OR52E4: variants seen among roughly 807,000 people sequenced by gnomAD.
OR52E4 encodes the protein olfactory receptor family 52 subfamily E member 4.
For synonymous variants in OR52E4, 169 were observed against 137.4 expected (o/e 1.23, Z -1.61); for missense variants, 444 against 383.8 (o/e 1.16, Z -1.31).
In OR52E4 at chr11:5,885,081, TC is replaced by T. The variant is rs1388852763; in HGVS notation, c.790del (p.Arg264ValfsTer42). The T allele has an allele frequency of 3.7e-6, 6 of 1,613,420 alleles. No individual in the cohort carries two copies. In the African/African-American group the frequency reaches 8.0e-5, roughly 22 times the overall value. ...CAGCATTTTTTTCTTTTATGACACA[TC>T]GTTTTGGCCAAAACATTCCCCACTA... ...TPAFFSFMTHRFGQNIPHYIH... is the reference protein window; with the variant it reads ...TPAFFSFMTHXFGQNIPHYIH... On this transcript the variant is annotated frameshift_variant, in exon 2 of 2. Coordinates refer to ENST00000641726, the MANE Select transcript of OR52E4 (RefSeq NM_001005165.2). LOFTEE classifies it low-confidence loss of function (END_TRUNC).
In OR52E4 at chr11:5,884,337, C is replaced by T; in HGVS notation, c.45C>T (p.Leu15=). 6.2e-7 allele frequency: 1 copy of T among 1,612,696 alleles called. No homozygotes were observed. The highest frequency in any genetic ancestry group is 2.2e-5 in the East Asian group (1 of 44,852). ...NDTHFYPPFF[L]LLGIPGLDTL... The stretch of plus-strand genomic sequence containing the variant: ...CCCACTTCTATCCCCCCTTCTTCCT[C>T]CTGCTAGGAATACCAGGACTGGACA... Residue 15 remains leucine, a synonymous_variant, in exon 2 of 2, where the codon CTC becomes CTT. Transcript: ENST00000641726.
chr11:5,885,409 T>G lies in OR52E4; in HGVS notation c.*178T>G. The G allele has an allele frequency of 9.2e-6, 5 of 542,892 alleles. 1 individual carries two copies. In the South Asian group the frequency reaches 1.4e-4, roughly 15 times the overall value. The allele number at this position is 542,892 out of a possible 1,614,324, so 33.6% of individuals were successfully genotyped here. Reference sequence around the variant, plus strand: ...TAAAACCTTTGCTGCCTGTTTCCCCTACTTCTCTCCAAGTACCTGGACAAA... The same window carrying G: ...TAAAACCTTTGCTGCCTGTTTCCCCGACTTCTCTCCAAGTACCTGGACAAA... On this transcript the variant is annotated 3_prime_UTR_variant, in exon 2 of 2. Coordinates refer to ENST00000641726, the MANE Select transcript of OR52E4 (RefSeq NM_001005165.2).
At position 5,887,013 on chromosome 11, in the gene OR52E4, G is replaced by A. The variant is rs1222544468; in HGVS notation, c.*1782G>A. ...GCTTCATGTACTTAACATTTTATGG[G>A]AACATAGGGTTTTAAATGTGGAAAT... On this transcript the variant is annotated 3_prime_UTR_variant, in exon 2 of 2. Transcript: ENST00000641726. 1 of 151,970 alleles carries A rather than the reference G, an allele frequency of 6.6e-6. No individual in the cohort carries two copies. Among genetic ancestry groups the A allele is most frequent in the African/African-American group, 2.4e-5 (1 of 41,394 alleles). The allele number at this position is 151,970 out of a possible 1,614,324, so 9.4% of individuals were successfully genotyped here. A position where few individuals can be genotyped will look rare whatever the true frequency, so the allele number is the denominator to read the frequency against.
Position 5,885,272 on chromosome 11 carries a change from C to A in OR52E4, c.*41C>A. On this transcript the variant is annotated 3_prime_UTR_variant, in exon 2 of 2. Transcript: ENST00000641726. ...TGGATAAATATATCTATATACAACC[C>A]AAATTATCATCATCTGAGCTCCCTT... 1.5e-6 allele frequency: 2 copies of A among 1,291,730 alleles called. No individual in the cohort carries two copies. The highest frequency in any genetic ancestry group is 2.1e-6 in the Non-Finnish European group (2 of 939,874). 80.0% of individuals were successfully genotyped at this position (1,291,730 alleles called of 1,614,324 possible).
chr11:5,881,675 A>G (rs375841574), intron 1 of OR52E4, among the ~76,000 whole-genome samples: 4 of 152,146 alleles, frequency 2.6e-5, no homozygotes, highest in African/African-American at 4.8e-5. Context: ...TTGCATTTAA[A>G]TAAACAAAAT....
In OR52E4 at chr11:5,885,131, T is replaced by A; in HGVS notation, c.839T>A (p.Leu280Gln). ...TATATCCATATTCTTTTGGCTAACCTGTATGTGGTTGTCCCACCTGCCCTT... is the reference window on the plus strand; with the variant it reads ...TATATCCATATTCTTTTGGCTAACCAGTATGTGGTTGTCCCACCTGCCCTT... ...PHYIHILLANLYVVVPPALNP... is the reference protein window; with the variant it reads ...PHYIHILLANQYVVVPPALNP... Residue 280 changes from leucine to glutamine, a missense_variant, in exon 2 of 2, where the codon CTG becomes CAG. Transcript: ENST00000641726. 6.2e-7 allele frequency: 1 copy of A among 1,613,430 alleles called. No individual in the cohort carries two copies. Among genetic ancestry groups the A allele is most frequent in the Non-Finnish European group, 8.5e-7 (1 of 1,179,612 alleles).
At position 5,884,816 on chromosome 11, in the gene OR52E4, T is replaced by C. The variant is rs747262263; in HGVS notation, c.524T>C (p.Ile175Thr). The change falls in exon 2 of 2, where the codon ATC becomes ACC. Residue 175 changes from isoleucine to threonine, a missense_variant. Transcript: ENST00000641726. ...CGTCTGCCATTCTGTGGGCATAACA[T>C]CGTACCTCACACATACTGTGAGCAC... ...ILRLPFCGHN[I>T]VPHTYCEHRG... 3 of 1,613,568 alleles carry C rather than the reference T, an allele frequency of 1.9e-6. No individual in the cohort carries two copies. Among genetic ancestry groups the C allele is most frequent in the Non-Finnish European group, 2.5e-6 (3 of 1,179,672 alleles).
In OR52E4 at chr11:5,885,251, T is replaced by C; in HGVS notation, c.*20T>C. ...GAATAATTCTGTATTAAAGTTTGGATAAATATATCTATATACAACCCAAAT... is the reference window on the plus strand; with the variant it reads ...GAATAATTCTGTATTAAAGTTTGGACAAATATATCTATATACAACCCAAAT... On this transcript the variant is annotated 3_prime_UTR_variant, in exon 2 of 2. Coordinates refer to ENST00000641726, the MANE Select transcript of OR52E4 (RefSeq NM_001005165.2). The C allele has an allele frequency of 6.8e-7, 1 of 1,475,696 alleles. No homozygotes were observed. The highest frequency in any genetic ancestry group is 9.2e-7 in the Non-Finnish European group (1 of 1,084,304). The allele number at this position is 1,475,696 out of a possible 1,614,324, so 91.4% of individuals were successfully genotyped here. A position where few individuals can be genotyped will look rare whatever the true frequency, so the allele number is the denominator to read the frequency against.
At position 5,885,662 on chromosome 11, in the gene OR52E4, G is replaced by A. The variant is rs1328655613; in HGVS notation, c.*431G>A. ...GTTTCATAGCTTTGTATTCTTTACA[G>A]AATCCAAAATTTTGTTGTTCTTCTC... On this transcript the variant is annotated 3_prime_UTR_variant, in exon 2 of 2. Coordinates refer to ENST00000641726, the MANE Select transcript of OR52E4 (RefSeq NM_001005165.2). The A allele has an allele frequency of 6.5e-6, 1 of 153,376 alleles. No homozygotes were observed. The highest frequency in any genetic ancestry group is 1.4e-5 in the Non-Finnish European group (1 of 68,992). 9.5% of individuals were successfully genotyped at this position (153,376 alleles called of 1,614,324 possible).
rs530652965 is a variant in OR52E4, at chr11:5,884,465, A to G, written c.173A>G (p.His58Arg). The change falls in exon 2 of 2, where the codon CAC becomes CGC. Residue 58 changes from histidine to arginine, a missense_variant. Transcript: ENST00000641726. ...LFVIKTEHSL[H>R]QPMFYFLAML... ...GTGATCAAAACTGAACATAGTCTACACCAGCCCATGTTCTACTTCCTGGCC... is the reference window on the plus strand; with the variant it reads ...GTGATCAAAACTGAACATAGTCTACGCCAGCCCATGTTCTACTTCCTGGCC... The G allele has an allele frequency of 1.9e-6, 3 of 1,613,530 alleles. No homozygotes were observed. The highest frequency in any genetic ancestry group is 2.2e-5 in the South Asian group (2 of 91,072).
intron 1 of OR52E4, among the ~76,000 whole-genome samples, chr11:5,882,932 C>T (rs1427437160): frequency 6.6e-6 from 1 of 152,056 alleles, no homozygotes. Flanking sequence ...AAATATTATA[C>T]AATCCAGGTT....
chr11:5,884,811 T>A lies in OR52E4; in HGVS notation c.519T>A (p.His173Gln), dbSNP rs775622779. 1.9e-6 allele frequency: 3 copies of A among 1,613,584 alleles called. No homozygotes were observed. Among genetic ancestry groups the A allele is most frequent in the Admixed American group, 1.7e-5 (1 of 59,896 alleles). Reference sequence around the variant, plus strand: ...TTCTGCGTCTGCCATTCTGTGGGCATAACATCGTACCTCACACATACTGTG... The same window carrying A: ...TTCTGCGTCTGCCATTCTGTGGGCAAAACATCGTACCTCACACATACTGTG... Reference protein sequence around the residue: ...FLILRLPFCGHNIVPHTYCEH... With the variant: ...FLILRLPFCGQNIVPHTYCEH... The change falls in exon 2 of 2, where the codon CAT (histidine) becomes CAA (glutamine). Residue 173 changes from histidine (H) to glutamine (Q), a missense_variant. Transcript: ENST00000641726.
chr11:5,880,941 C>A (rs530264739), intron 1 of OR52E4, among the ~76,000 whole-genome samples: 2 of 151,944 alleles, frequency 1.3e-5, no homozygotes, highest in Non-Finnish European at 2.9e-5. Flanking sequence ...CTCTCTCCCC[C>A]CTTTCTCTCT....
At chr11:5,882,087 C>A (rs1371750306) in intron 1 of OR52E4, among the ~76,000 whole-genome samples, 1 of 152,064 alleles carries the variant, frequency 6.6e-6, no homozygotes, top group Admixed American at 6.6e-5. Context: ...CAGTAGGGAT[C>A]TTTGTCAATG....
rs993260023 is a variant in OR52E4 at position 5,885,472 on chromosome 11, T to C, written c.*241T>C. ...ATGGAGAAGGTAACTATGCTGAAGG[T>C]TGAGGTGGCTTTGGAGTAGAACTGC... On this transcript the variant is annotated 3_prime_UTR_variant, in exon 2 of 2. Coordinates refer to ENST00000641726, the MANE Select transcript of OR52E4 (RefSeq NM_001005165.2). 1.2e-5 allele frequency: 5 copies of C among 404,376 alleles called. No homozygotes were observed. The highest frequency in any genetic ancestry group is 8.2e-5 in the African/African-American group (4 of 48,720). The allele number at this position is 404,376 out of a possible 1,614,324, so 25.0% of individuals were successfully genotyped here. A position where few individuals can be genotyped will look rare whatever the true frequency, so the allele number is the denominator to read the frequency against.
intron 1 of OR52E4, among the ~76,000 whole-genome samples, chr11:5,882,369 T>C (rs562075701): frequency 2.0e-5 from 3 of 152,166 alleles, no homozygotes; most frequent in East Asian, 3.9e-4. Flanking sequence ...GACTCTGGAC[T>C]GTAAATCTCA....
chr11:5,884,522 C>A lies in OR52E4; in HGVS notation c.230C>A (p.Thr77Lys). Residue 77 changes from threonine (T) to lysine (K), a missense_variant, in exon 2 of 2, where the codon ACA (threonine) becomes AAA (lysine). Coordinates refer to ENST00000641726, the MANE Select transcript of OR52E4 (RefSeq NM_001005165.2). ...TCTATGATTGATCTGGGTCTGTCCA[C>A]ATCCACTATCCCCAAAATGCTAGGA... ...MLSMIDLGLS[T>K]STIPKMLGIF... 6.2e-7 allele frequency: 1 copy of A among 1,613,530 alleles called. No individual in the cohort carries two copies. Among genetic ancestry groups the A allele is most frequent in the Non-Finnish European group, 8.5e-7 (1 of 1,179,650 alleles).
chr11:5,884,080 G>T, intron 1 of OR52E4, 139 bp from the exon 2 acceptor site: 1 of 505,656 alleles, frequency 2.0e-6, no homozygotes, highest in Non-Finnish European at 3.5e-6. Context: ...TATTGCCTAT[G>T]ATGGATCTCA....
Position 5,885,422 on chromosome 11 carries a change from G to C in OR52E4, c.*191G>C. The C allele has an allele frequency of 1.9e-6, 1 of 528,400 alleles. No individual in the cohort carries two copies. The highest frequency in any genetic ancestry group is 3.3e-6 in the Non-Finnish European group (1 of 301,478). 32.7% of individuals were successfully genotyped at this position (528,400 alleles called of 1,614,324 possible). On this transcript the variant is annotated 3_prime_UTR_variant, in exon 2 of 2. Coordinates refer to ENST00000641726, the MANE Select transcript of OR52E4 (RefSeq NM_001005165.2). ...GCCTGTTTCCCCTACTTCTCTCCAA[G>C]TACCTGGACAAAGGTTAGAGATTAA...
Sources: allele counts gnomAD v4.1 joint callset (sites outside exome capture counted in the v4.1 genomes callset), GRCh38; gene constraint gnomAD v4.1.1; transcripts MANE v1.5; gene names NCBI Gene and HGNC (gene_info 2026-07-23, HGNC 2026-07-21).